SEPTIN7: variants seen among roughly 807,000 people sequenced by gnomAD.
SEPTIN7 encodes septin-7.
A neutral mutation model predicts 63.3 loss-of-function variants in SEPTIN7; 10 were observed. That is an observed-to-expected ratio of 0.16 (90% CI 0.10 to 0.27). SEPTIN7 has a LOEUF of 0.27. Among genes scored for constraint, SEPTIN7 ranks in the 10% least tolerant of loss-of-function variants. The pLI, the probability that SEPTIN7 is intolerant of heterozygous loss-of-function variation, is 1.00. For synonymous variants in SEPTIN7, 131 were observed against 165.3 expected (o/e 0.79, Z 1.59); for missense variants, 310 against 521.0 (o/e 0.59, Z 3.94).
At chr7:35,832,134 C>G (rs1474124042) in intron 2 of SEPTIN7, 1 of 452,942 alleles carries the variant, frequency 2.2e-6, no homozygotes. Context: ...AATAAAAAAC[C>G]AATAGAAAAT....
intron 1 of SEPTIN7, among the ~76,000 whole-genome samples, chr7:35,831,077 C>T (rs975998262): frequency 7.2e-5 from 11 of 152,158 alleles, no homozygotes; most frequent in African/African-American, 2.7e-4. Context: ...TAATTTAAAA[C>T]TTGGTTCCTG....
chr7:35,878,577 A>G (rs1383720363), intron 6 of SEPTIN7, among the ~76,000 whole-genome samples: 2 of 152,204 alleles, frequency 1.3e-5, no homozygotes, highest in East Asian at 3.8e-4. Context: ...TGGATGATTC[A>G]TGTTATAGTT....
intron 3 of SEPTIN7, chr7:35,847,135 CCA>C (rs1008790761): frequency 1.7e-5 from 3 of 176,048 alleles, no homozygotes; most frequent in Admixed American, 1.7e-4. Flanking sequence ...TTGGCCGTGT[CCA>C]GATTGGTGGC....
chr7:35,872,346 A>G (rs1476053026), intron 4 of SEPTIN7, among the ~76,000 whole-genome samples: 1 of 152,172 alleles, frequency 6.6e-6, no homozygotes, highest in Admixed American at 6.5e-5. Context: ...TTTAAGTTAT[A>G]TAAGTATTAC....
chr7:35,913,405 C>CTT, the SEPTIN7 span, among the ~76,000 whole-genome samples: 308 of 149,792 alleles, frequency 2.1e-3, 4 homozygotes, highest in South Asian at 3.6e-3. Flanking sequence ...TTCTTTCTTT[C>CTT]TCTTTCTTTC....
intron 3 of SEPTIN7, among the ~76,000 whole-genome samples, chr7:35,838,265 CT>C (rs1784185111): frequency 4.6e-4 from 5 of 10,930 alleles, no homozygotes; most frequent in African/African-American, 2.0e-3. Context: ...TCCTTCCTTC[CT>C]TCCTTCCTTC....
chr7:35,841,802 C>T (rs1325263849), intron 3 of SEPTIN7, among the ~76,000 whole-genome samples: 1 of 152,112 alleles, frequency 6.6e-6, no homozygotes. Flanking sequence ...ATAGAAGACT[C>T]ATTTAGTATG....
chr7:35,853,106 C>T (rs1420081572), intron 3 of SEPTIN7, among the ~76,000 whole-genome samples: 1 of 152,058 alleles, frequency 6.6e-6, no homozygotes, highest in African/African-American at 2.4e-5. Flanking sequence ...TTGCTTTATC[C>T]TTTACTTTTC....
At chr7:35,878,071 A>G (rs1009064562) in intron 6 of SEPTIN7, among the ~76,000 whole-genome samples, 7 of 152,218 alleles carry the variant, frequency 4.6e-5, no homozygotes, top group African/African-American at 1.7e-4. Flanking sequence ...TTGCTTGCAC[A>G]CTATCAGAAA....
chr7:35,851,843 T>C (rs1244863300), intron 3 of SEPTIN7, among the ~76,000 whole-genome samples: 1 of 152,200 alleles, frequency 6.6e-6, no homozygotes, highest in Non-Finnish European at 1.5e-5. Flanking sequence ...CTCTACTAAA[T>C]GTGAGTAGAA....
intron 6 of SEPTIN7, among the ~76,000 whole-genome samples, chr7:35,879,144 T>C (rs1375763541): frequency 6.6e-6 from 1 of 152,110 alleles, no homozygotes; most frequent in East Asian, 1.9e-4. Flanking sequence ...AGAGGCAAAC[T>C]GGAGGCAGCA....
chr7:35,805,210 G>A, intron 1 of SEPTIN7, among the ~76,000 whole-genome samples: 1 of 152,176 alleles, frequency 6.6e-6, no homozygotes. Flanking sequence ...GCATAGAAAA[G>A]ATGATGTGCT....
intron 1 of SEPTIN7, among the ~76,000 whole-genome samples, chr7:35,811,323 T>C (rs1583487197): frequency 1.3e-5 from 2 of 152,304 alleles, no homozygotes; most frequent in Middle Eastern, 6.8e-3. Flanking sequence ...CTCTCAAATA[T>C]TAACATTTTA....
intron 9 of SEPTIN7, 92 bp from the exon 10 acceptor site, chr7:35,885,736 T>C (rs1787193585): frequency 1.0e-6 from 1 of 958,832 alleles, no homozygotes; most frequent in Non-Finnish European, 1.6e-6. Flanking sequence ...TTTCCTCTTC[T>C]TGTTTTTACA....
chr7:35,803,054 C>A, intron 1 of SEPTIN7: 3 of 516,134 alleles, frequency 5.8e-6, no homozygotes, highest in Non-Finnish European at 7.5e-6. Context: ...TTACAGAATT[C>A]AAATTCACAA....
chr7:35,836,164 TGAA>T (rs1326110659), intron 3 of SEPTIN7, among the ~76,000 whole-genome samples: 5 of 152,182 alleles, frequency 3.3e-5, no homozygotes, highest in Admixed American at 6.5e-5. Context: ...TATCAAATAA[TGAA>T]GACATGTAGA....
intron 6 of SEPTIN7, among the ~76,000 whole-genome samples, chr7:35,878,274 G>A (rs751270868): frequency 1.4e-4 from 21 of 152,160 alleles, no homozygotes; most frequent in Non-Finnish European, 2.6e-4. Flanking sequence ...GCCAGGCCAA[G>A]GAGAAGGAGG....
rs555628727 is a variant in SEPTIN7, at chr7:35,833,670, T to C, written c.169+770T>C. Among the ~76,000 whole-genome samples, 11 of 152,138 alleles carry C rather than the reference T, an allele frequency of 7.2e-5. No individual in the cohort carries two copies. In the South Asian group the frequency reaches 2.3e-3, roughly 32 times the overall value. On this transcript the variant is annotated intron_variant, in intron 3 of 13. Coordinates refer to ENST00000350320, the MANE Select transcript of SEPTIN7 (RefSeq NM_001788.6). ...TTGTATAGTGTAACTTTGTTGTATT[T>C]CTGTTATTTAAGAAGGTGAATTGCA... is the stretch of plus-strand genomic sequence containing the variant.
chr7:35,889,480 C>A (rs555999815), intron 10 of SEPTIN7, among the ~76,000 whole-genome samples: 45 of 152,276 alleles, frequency 3.0e-4, no homozygotes, highest in Admixed American at 2.9e-3. Context: ...ATTCAAGAAG[C>A]TGGATTGTGA....
Sources: allele counts gnomAD v4.1 joint callset (sites outside exome capture counted in the v4.1 genomes callset), GRCh38; gene constraint gnomAD v4.1.1; transcripts MANE v1.5; gene names NCBI Gene and HGNC (gene_info 2026-07-23, HGNC 2026-07-21).